The following CLYBL variants were observed in gnomAD, a reference collection of about 807,000 sequenced individuals.
CLYBL encodes the protein citramalyl-CoA lyase, also known as citramalyl-CoA lyase, mitochondrial.
In CLYBL, 31 loss-of-function variants were observed where a neutral mutation model predicts 38.9. The observed-to-expected ratio is 0.80, with a 90% confidence interval of 0.60 to 1.08. CLYBL has a LOEUF of 1.08. CLYBL is among the 50% of genes least tolerant of loss of function. CLYBL has a pLI of 0.00. For missense variants in CLYBL, 434 were observed against 411.6 expected (o/e 1.05, Z -0.47); for synonymous variants, 171 against 158.6 (o/e 1.08, Z -0.59).
intron 2 of CLYBL, among the ~76,000 whole-genome samples, chr13:99,802,511 AG>A (rs1174405774): frequency 2.0e-5 from 3 of 152,146 alleles, no homozygotes; most frequent in Non-Finnish European, 2.9e-5. Context: ...CTAATGGGAA[AG>A]GGGGGAGCTA....
At chr13:99,768,952 G>A (rs760517943) in intron 1 of CLYBL, among the ~76,000 whole-genome samples, 8 of 152,164 alleles carry the variant, frequency 5.3e-5, no homozygotes, top group Non-Finnish European at 8.8e-5. Flanking sequence ...TAATGGGGGA[G>A]GTGCTGGCCC....
At chr13:99,770,241 C>A (rs1264807983) in intron 1 of CLYBL, among the ~76,000 whole-genome samples, 4 of 152,042 alleles carry the variant, frequency 2.6e-5, no homozygotes, top group Non-Finnish European at 5.9e-5. Flanking sequence ...GCGCCCGCGA[C>A]TGTGCCCGGC....
At position 99,849,158 on chromosome 13, in the gene CLYBL, A is replaced by AG. The variant is rs995534615; in HGVS notation, c.250-9703_250-9702insG. Among the ~76,000 whole-genome samples, 2 of 151,498 alleles carry AG rather than the reference A, an allele frequency of 1.3e-5. No individual in the cohort carries two copies. The highest frequency in any genetic ancestry group is 2.9e-5 in the Non-Finnish European group (2 of 67,894). ...ATCTCAAAAAAAGAAAAAAGAAAAAAAAAACACTATTGAGAAAGACAGTGT... is the reference window on the plus strand; with the variant it reads ...ATCTCAAAAAAAGAAAAAAGAAAAAAGAAAACACTATTGAGAAAGACAGTGT... On this transcript the variant is annotated intron_variant, in intron 2 of 8. Coordinates refer to ENST00000339105, the MANE Select transcript of CLYBL (RefSeq NM_206808.5). This position sits in a 1 kb window ranked among gnomAD's most constrained non-coding sequence, Gnocchi z 4.9.
intron 2 of CLYBL, among the ~76,000 whole-genome samples, chr13:99,847,099 A>G (rs1442302864): frequency 1.3e-5 from 2 of 152,206 alleles, no homozygotes; most frequent in African/African-American, 4.8e-5. Context: ...AGATGTTGTG[A>G]ACATCACTCT....
chr13:99,809,551 C>T (rs2050298789), intron 2 of CLYBL, among the ~76,000 whole-genome samples: 1 of 152,264 alleles, frequency 6.6e-6, no homozygotes, highest in South Asian at 2.1e-4. Flanking sequence ...TGTCTTCCTG[C>T]CTGGCTTCCT....
At position 99,802,891 on chromosome 13, in the gene CLYBL, A is replaced by G. The variant is rs2761161; in HGVS notation, c.249+29881A>G. 8.0e-3 allele frequency among the ~76,000 whole-genome samples: 1,218 copies of G among 152,252 alleles called. 20 individuals are homozygous for G. Among genetic ancestry groups the G allele is most frequent in the African/African-American group, 0.028 (1,178 of 41,538 alleles). On this transcript the variant is annotated intron_variant, in intron 2 of 8. Transcript: ENST00000339105. ...TTCTGTAACATGCATCAAACCTCAA[A>G]TACACGTACAGCGCTTACCGTTCAC...
At chr13:99,841,812 C>CTTTTTTTTT (rs67827288) in intron 2 of CLYBL, among the ~76,000 whole-genome samples, 1 of 105,396 alleles carries the variant, frequency 9.5e-6, no homozygotes, top group Non-Finnish European at 1.8e-5. Context: ...TTTTCTTTTC[C>CTTTTTTTTT]TTTTTTTTTT....
chr13:99,797,390 A>G (rs1211538907), intron 2 of CLYBL, among the ~76,000 whole-genome samples: 1 of 152,210 alleles, frequency 6.6e-6, no homozygotes, highest in African/African-American at 2.4e-5. Context: ...GAGGATGTAT[A>G]AGCATTCCAT....
chr13:99,676,082 C>T (rs895529363), intron 1 of CLYBL, among the ~76,000 whole-genome samples: 19 of 152,094 alleles, frequency 1.2e-4, no homozygotes, highest in Non-Finnish European at 1.5e-5. Context: ...TCTCGAACTC[C>T]TACCCTCAGG....
intron 1 of CLYBL, among the ~76,000 whole-genome samples, chr13:99,711,097 T>A (rs2806289): frequency 6.6e-6 from 1 of 151,956 alleles, no homozygotes; most frequent in East Asian, 1.9e-4. Context: ...AGGCTAGTCT[T>A]GAGCTCCTGG....
Position 99,672,820 on chromosome 13 carries a change from A to G in CLYBL, c.62+66063A>G, listed in dbSNP as rs114097617. Among the ~76,000 whole-genome samples the G allele has an allele frequency of 8.9e-3, 1,354 of 152,118 alleles. 16 individuals carry two copies. Among genetic ancestry groups the G allele is most frequent in the African/African-American group, 0.031 (1,280 of 41,496 alleles). On this transcript the variant is annotated intron_variant, in intron 1 of 8. Transcript: ENST00000339105. Reference sequence around the variant, plus strand: ...ATAACATTTTACCTCATTTTTCTCCACTGTTCATTTTGTTTGAAAATCTGT... The same window carrying G: ...ATAACATTTTACCTCATTTTTCTCCGCTGTTCATTTTGTTTGAAAATCTGT...
intron 2 of CLYBL, among the ~76,000 whole-genome samples, chr13:99,819,246 G>A (rs988108154): frequency 6.6e-6 from 1 of 150,670 alleles, no homozygotes; most frequent in Non-Finnish European, 1.5e-5. Context: ...TGGGGAGGCT[G>A]AGGCAGGAGG....
intron 1 of CLYBL, among the ~76,000 whole-genome samples, chr13:99,766,517 T>A (rs1451680673): frequency 1.3e-5 from 2 of 152,140 alleles, no homozygotes; most frequent in African/African-American, 2.4e-5. Flanking sequence ...TCATTTAGAG[T>A]GAGTTGCTGG....
chr13:99,719,982 G>C (rs1340396216), intron 1 of CLYBL, among the ~76,000 whole-genome samples: 1 of 151,812 alleles, frequency 6.6e-6, no homozygotes, highest in Non-Finnish European at 1.5e-5. Flanking sequence ...TGTTGTGATT[G>C]CTAATGTAAT....
At chr13:99,837,197 C>T (rs1555590) in intron 2 of CLYBL, among the ~76,000 whole-genome samples, 9,389 of 152,134 alleles carry the variant, frequency 0.062, 666 homozygotes, top group African/African-American at 0.17. Context: ...TCTGTAATCC[C>T]AGCACTCTGG....
At chr13:99,677,988 G>A (rs1305990278) in intron 1 of CLYBL, among the ~76,000 whole-genome samples, 10 of 152,140 alleles carry the variant, frequency 6.6e-5, no homozygotes, top group Non-Finnish European at 8.8e-5. Context: ...GCTAACCGTT[G>A]TAGAAGAGTT....
intron 1 of CLYBL, among the ~76,000 whole-genome samples, chr13:99,711,439 C>A (rs9582336): frequency 9.4e-6 from 1 of 106,634 alleles, no homozygotes; most frequent in African/African-American, 3.4e-5. Flanking sequence ...GACGGAGTTT[C>A]GCTCTCGTTG....
chr13:99,819,416 TTATATATATATATATATATATA>T lies in CLYBL; in HGVS notation c.250-39414_250-39393del, dbSNP rs71715024. Among the ~76,000 whole-genome samples, 87 of 18,386 alleles carry T rather than the reference TTATATATATATATATATATATA, an allele frequency of 4.7e-3. 1 individual carries two copies. The highest frequency in any genetic ancestry group is 0.023 in the East Asian group (4 of 174). 12.1% of individuals were successfully genotyped at this position (18,386 alleles called of 152,430 possible). On this transcript the variant is annotated intron_variant, in intron 2 of 8. Coordinates refer to ENST00000339105, the MANE Select transcript of CLYBL (RefSeq NM_206808.5). The stretch of plus-strand genomic sequence containing the variant: ...ACTTGTATTATCACTGGGAAAAAAT[TTATATATATATATATATATATA>T]TATATATATATATATATATATATAT...
At chr13:99,866,005 ATGCAGGTAGAAGTAATTCTAT>A (rs1452282268) in intron 5 of CLYBL, among the ~76,000 whole-genome samples, 1 of 152,174 alleles carries the variant, frequency 6.6e-6, no homozygotes, top group African/African-American at 2.4e-5. Context: ...CCTTCTCTTA[ATGCAGGTAGAAGTAATTCTAT>A]TGAAAGATGC....
Sources: allele counts gnomAD v4.1 joint callset (sites outside exome capture counted in the v4.1 genomes callset), GRCh38; gene constraint gnomAD v4.1.1; non-coding constraint Gnocchi (gnomAD v3.1); transcripts MANE v1.5; gene names NCBI Gene and HGNC (gene_info 2026-07-23, HGNC 2026-07-21).